The following MAPK10 variants were observed in gnomAD, a reference collection of about 807,000 sequenced individuals.
MAPK10 encodes JNK3 alpha protein kinase.
Under a neutral mutation model 59.3 loss-of-function variants are expected in MAPK10, and 25 were observed. The ratio of observed to expected loss-of-function variants is 0.42; its 90% CI spans 0.31 to 0.59. The LOEUF is 0.59. MAPK10 is among the 20% of genes least tolerant of loss of function. The probability of loss-of-function intolerance (pLI) is 0.15; values close to 1 mark genes in which losing one functional copy is unlikely to be tolerated. For synonymous variants in MAPK10, 190 were observed against 200.5 expected (o/e 0.95, Z 0.44); for missense variants, 351 against 568.9 (o/e 0.62, Z 3.90).
intron 1 of MAPK10, among the ~76,000 whole-genome samples, chr4:86,413,792 G>A (rs1038989645): frequency 5.3e-5 from 8 of 152,194 alleles, no homozygotes; most frequent in African/African-American, 1.9e-4. Context: ...ATTTGGTCAG[G>A]AGTGTACCAT....
At chr4:86,473,256 T>C (rs780050313) in intron 1 of MAPK10, among the ~76,000 whole-genome samples, 6 of 152,218 alleles carry the variant, frequency 3.9e-5, no homozygotes, top group Non-Finnish European at 8.8e-5. Flanking sequence ...ACTGTATTTC[T>C]AGTTGGAGGT....
At chr4:86,464,819 CAA>C (rs56319235) in intron 1 of MAPK10, among the ~76,000 whole-genome samples, 30 of 136,998 alleles carry the variant, frequency 2.2e-4, no homozygotes, top group Admixed American at 2.9e-4. Context: ...GACTCTGTCT[CAA>C]AAAAAAAAAA....
At chr4:86,071,802 G>A (rs2048045974) in intron 9 of MAPK10, among the ~76,000 whole-genome samples, 1 of 150,094 alleles carries the variant, frequency 6.7e-6, no homozygotes, top group Non-Finnish European at 1.5e-5. Flanking sequence ...TAGCCTTGTA[G>A]TATAGTTTGA....
chr4:86,050,711 C>A (rs1441859585), intron 11 of MAPK10, among the ~76,000 whole-genome samples: 1 of 152,122 alleles, frequency 6.6e-6, no homozygotes. Context: ...TGTAAGAATT[C>A]TGGCTAGGAA....
chr4:86,352,380 C>T (rs1484310639), intron 2 of MAPK10, among the ~76,000 whole-genome samples: 6 of 152,074 alleles, frequency 3.9e-5, no homozygotes, highest in African/African-American at 1.2e-4. Flanking sequence ...CAACAATTTA[C>T]ATGAATAAAC....
intron 1 of MAPK10, among the ~76,000 whole-genome samples, chr4:86,539,799 G>A (rs1202299580): frequency 1.3e-5 from 2 of 152,164 alleles, no homozygotes; most frequent in Non-Finnish European, 2.9e-5. Flanking sequence ...TAAAATGCTT[G>A]TCAAATAGAA....
At chr4:86,116,941 T>C (rs1386076687) in intron 4 of MAPK10, among the ~76,000 whole-genome samples, 1 of 152,250 alleles carries the variant, frequency 6.6e-6, no homozygotes, top group Non-Finnish European at 1.5e-5. Context: ...AAAGCATTAA[T>C]TCCTACAGCA....
rs1193665406 is a variant in MAPK10 at position 86,107,255 on chromosome 4, G to A, written c.334C>T (p.Leu112=). ...TGGTTCACACACTTCATGAGGACCA[G>A]CTCCCGGTACGCTCTCTTGGCATGT... The part of the protein sequence containing the change: ...QTHAKRAYRE[L]VLMKCVNHKN... Residue 112 remains leucine (L), a synonymous_variant, in exon 5 of 14, where the codon CTG becomes TTG. Transcript: ENST00000641462. The A allele has an allele frequency of 1.2e-6, 2 of 1,613,088 alleles. No homozygotes were observed. The highest frequency in any genetic ancestry group is 1.3e-5 in the African/African-American group (1 of 74,838).
chr4:86,174,988 T>C (rs1345548307), intron 3 of MAPK10, among the ~76,000 whole-genome samples: 3 of 151,254 alleles, frequency 2.0e-5, no homozygotes, highest in African/African-American at 7.3e-5. Context: ...ACTAAACTAA[T>C]CACACTGAAT....
At chr4:86,484,984 A>G (rs1341986747) in intron 1 of MAPK10, among the ~76,000 whole-genome samples, 1 of 152,222 alleles carries the variant, frequency 6.6e-6, no homozygotes, top group East Asian at 1.9e-4. Flanking sequence ...GAATTAAATA[A>G]GTGGTTATGT....
intron 11 of MAPK10, among the ~76,000 whole-genome samples, chr4:86,051,101 A>G (rs2148959912): frequency 6.6e-6 from 1 of 152,244 alleles, no homozygotes. Flanking sequence ...CTCTTTCACA[A>G]TATATTGTGG....
At chr4:86,180,503 AG>A (rs68149333) in intron 3 of MAPK10, among the ~76,000 whole-genome samples, 24,705 of 119,218 alleles carry the variant, frequency 0.21, 2,498 homozygotes, top group African/African-American at 0.4. Context: ...AAAAAAAAAA[AG>A]AAGAAGAAAA....
At chr4:86,078,536 T>A (rs2049972527) in intron 9 of MAPK10, among the ~76,000 whole-genome samples, 1 of 152,004 alleles carries the variant, frequency 6.6e-6, no homozygotes. Flanking sequence ...TCTTTGTGAT[T>A]AAATTTGTTG....
At chr4:86,038,038 G>A (rs2040706042) in intron 11 of MAPK10, among the ~76,000 whole-genome samples, 1 of 152,154 alleles carries the variant, frequency 6.6e-6, no homozygotes, top group Admixed American at 6.5e-5. Flanking sequence ...TTTTGTCAAA[G>A]TATCATGGAC....
chr4:86,321,500 C>T (rs538267516), intron 2 of MAPK10, among the ~76,000 whole-genome samples: 2 of 149,702 alleles, frequency 1.3e-5, no homozygotes, highest in South Asian at 2.1e-4. Context: ...AAAACAAACA[C>T]CGCATATTCT....
intron 1 of MAPK10, among the ~76,000 whole-genome samples, chr4:86,557,666 G>A (rs985581423): frequency 6.6e-6 from 1 of 152,002 alleles, no homozygotes; most frequent in African/African-American, 2.4e-5. Flanking sequence ...ATACTGTTTA[G>A]TTTCAGCCAA....
At chr4:86,116,070 A>G (rs912302177) in intron 4 of MAPK10, among the ~76,000 whole-genome samples, 8 of 152,354 alleles carry the variant, frequency 5.3e-5, no homozygotes, top group Admixed American at 3.3e-4. Flanking sequence ...TTGATCCATC[A>G]CCTCAAAGAC....
intron 2 of MAPK10, among the ~76,000 whole-genome samples, chr4:86,231,735 A>G (rs2091579943): frequency 6.6e-6 from 1 of 152,198 alleles, no homozygotes; most frequent in African/African-American, 2.4e-5. Context: ...TCACATTTGG[A>G]TTAAAGAAAA....
chr4:86,356,599 G>T, intron 1 of MAPK10: 1 of 226,530 alleles, frequency 4.4e-6, no homozygotes, highest in Non-Finnish European at 7.3e-6. Context: ...GGTTCATGAG[G>T]ATAAAATGTA....
Sources: allele counts gnomAD v4.1 joint callset (sites outside exome capture counted in the v4.1 genomes callset), GRCh38; gene constraint gnomAD v4.1.1; transcripts MANE v1.5; gene names NCBI Gene and HGNC (gene_info 2026-07-23, HGNC 2026-07-21).